SLC35B4: variants seen among roughly 807,000 people sequenced by gnomAD.
SLC35B4 encodes the protein nucleotide sugar transporter SLC35B4.
A neutral mutation model predicts 39.5 loss-of-function variants in SLC35B4; 28 were observed. That is an observed-to-expected ratio of 0.71 (90% confidence interval 0.53 to 0.97). The LOEUF is 0.97. SLC35B4 is among the 50% of genes least tolerant of loss of function. The probability of loss-of-function intolerance (pLI) is 0.00; values close to 1 mark genes in which losing one functional copy is unlikely to be tolerated. For synonymous variants in SLC35B4, 145 were observed against 150.4 expected (o/e 0.96, Z 0.26); for missense variants, 334 against 414.3 (o/e 0.81, Z 1.68).
At chr7:134,298,258 G>C (rs911398404) in intron 8 of SLC35B4, among the ~76,000 whole-genome samples, 14 of 152,278 alleles carry the variant, frequency 9.2e-5, no homozygotes, top group Admixed American at 7.2e-4. Flanking sequence ...TGAAAAGGAA[G>C]TTAACAAACG....
At chr7:134,312,815 C>G (rs137868557) in intron 1 of SLC35B4, among the ~76,000 whole-genome samples, 1 of 152,098 alleles carries the variant, frequency 6.6e-6, no homozygotes, top group African/African-American at 2.4e-5. Flanking sequence ...CAGCGGTCAA[C>G]GGCAAATAAA....
chr7:134,301,734 T>C (rs546421242), intron 6 of SLC35B4, 27 bp downstream of exon 6: 8 of 1,603,474 alleles, frequency 5.0e-6, no homozygotes, highest in African/African-American at 2.7e-5. Context: ...CAGAGGCAAT[T>C]AGCTTTATTA....
At chr7:134,318,059 C>T (rs984850212), upstream of SLC35B4, among the ~76,000 whole-genome samples, 2 of 148,750 alleles carry the variant, frequency 1.3e-5, no homozygotes, top group Admixed American at 6.7e-5. Flanking sequence ...GAGACACGAA[C>T]ATTCTGAAGT....
chr7:134,316,483 G>A (rs1803980781), intron 1 of SLC35B4, among the ~76,000 whole-genome samples, 192 bp downstream of exon 1: 1 of 152,246 alleles, frequency 6.6e-6, no homozygotes, highest in Admixed American at 6.5e-5. Context: ...CGCAGTTTTG[G>A]GAAGCAGCGG....
intron 2 of SLC35B4, 113 bp downstream of exon 2, chr7:134,309,253 G>T: frequency 1.7e-6 from 1 of 592,686 alleles, no homozygotes. Flanking sequence ...TATTCTACTG[G>T]TATCTTTGAA....
rs1803318883 is a variant in SLC35B4 at position 134,290,978 on chromosome 7, T to C, written c.*3855A>G. 6.6e-6 allele frequency: 1 copy of C among 152,212 alleles called. No homozygotes were observed. The highest frequency in any genetic ancestry group is 6.5e-5 in the Admixed American group (1 of 15,286). The allele number at this position is 152,212 out of a possible 1,614,324, so 9.4% of individuals were successfully genotyped here. Reference sequence around the variant, plus strand: ...TGTCCACCGGCCCTGAGCTAACTCATTGGTTTATTATTCCTGACCTAAGGT... The same window carrying C: ...TGTCCACCGGCCCTGAGCTAACTCACTGGTTTATTATTCCTGACCTAAGGT... On this transcript the variant is annotated 3_prime_UTR_variant, in exon 10 of 10. Coordinates refer to ENST00000378509, the MANE Select transcript of SLC35B4 (RefSeq NM_032826.5).
Position 134,294,540 on chromosome 7 carries a change from G to C in SLC35B4, c.*293C>G, listed in dbSNP as rs767763029. On this transcript the variant is annotated 3_prime_UTR_variant, in exon 10 of 10. Transcript: ENST00000378509. ...GTAAGCCTTTTGTTCAGGAGACTCAGAATTCAGAAAACAAGAATAATACTG... is the reference window on the plus strand; with the variant it reads ...GTAAGCCTTTTGTTCAGGAGACTCACAATTCAGAAAACAAGAATAATACTG... 4.6e-5 allele frequency: 13 copies of C among 281,376 alleles called. No individual in the cohort carries two copies. Among genetic ancestry groups the C allele is most frequent in the Non-Finnish European group, 8.2e-5 (12 of 145,568 alleles). 17.4% of individuals were successfully genotyped at this position (281,376 alleles called of 1,614,324 possible). A position where few individuals can be genotyped will look rare whatever the true frequency, so the allele number is the denominator to read the frequency against.
intron 4 of SLC35B4, among the ~76,000 whole-genome samples, 175 bp from the exon 5 acceptor site, chr7:134,302,285 C>G (rs759371014): frequency 1.3e-5 from 2 of 152,222 alleles, no homozygotes; most frequent in African/African-American, 2.4e-5. Context: ...AGGATACTGA[C>G]TAGTTTCTAA....
chr7:134,311,230 T>C (rs1301572610), intron 1 of SLC35B4, among the ~76,000 whole-genome samples: 1 of 152,324 alleles, frequency 6.6e-6, no homozygotes, highest in East Asian at 1.9e-4. Context: ...ATGTAAGACA[T>C]TTACCTCATT....
rs777660369 is a variant in SLC35B4 at position 134,306,734 on chromosome 7, C to T, written c.232G>A (p.Val78Met). 8.3e-5 allele frequency: 134 copies of T among 1,613,834 alleles called. 1 individual carries two copies. Among genetic ancestry groups the T allele is most frequent in the South Asian group, 4.4e-5 (4 of 91,060 alleles). ...AGATTCAGGGCATAGTTGTTCACCACGCTCACGGTGAAGAACATGGTCACC... is the reference window on the plus strand; with the variant it reads ...AGATTCAGGGCATAGTTGTTCACCATGCTCACGGTGAAGAACATGGTCACC... ...IMVTMFFTVS[V>M]VNNYALNLNI... is the part of the protein sequence containing the mutation. Residue 78 changes from valine to methionine, a missense_variant, in exon 3 of 10, where the codon GTG becomes ATG. Val to Met is a conservative substitution (Grantham distance 21). Coordinates refer to ENST00000378509, the MANE Select transcript of SLC35B4 (RefSeq NM_032826.5).
chr7:134,292,529 G>A lies in SLC35B4; in HGVS notation c.*2304C>T, dbSNP rs1803355284. ...CCTAATGGGCCCAAGTACTGTCTGT[G>A]AACATCAACACATACCCAATGAAGA... On this transcript the variant is annotated 3_prime_UTR_variant, in exon 10 of 10. Transcript: ENST00000378509. The A allele has an allele frequency of 6.6e-6, 1 of 152,088 alleles. No individual in the cohort carries two copies. Among genetic ancestry groups the A allele is most frequent in the East Asian group, 1.9e-4 (1 of 5,188 alleles). 9.4% of individuals were successfully genotyped at this position (152,088 alleles called of 1,614,324 possible). A position where few individuals can be genotyped will look rare whatever the true frequency, so the allele number is the denominator to read the frequency against.
intron 2 of SLC35B4, 59 bp downstream of exon 2, chr7:134,309,307 A>G: frequency 4.3e-6 from 4 of 927,756 alleles, no homozygotes; most frequent in Middle Eastern, 2.9e-4. Flanking sequence ...TTATACAGGT[A>G]CCACCTCTTT....
At chr7:134,304,661 T>C in intron 4 of SLC35B4, 144 bp downstream of exon 4, 2 of 619,000 alleles carry the variant, frequency 3.2e-6, no homozygotes, top group South Asian at 4.0e-5. Context: ...TGATTGGGCC[T>C]CACTGGTAAA....
Position 134,309,391 on chromosome 7 carries a change from T to A in SLC35B4, c.166A>T (p.Arg56Trp), listed in dbSNP as rs183333675. The A allele has an allele frequency of 6.2e-7, 1 of 1,610,240 alleles. No individual in the cohort carries two copies. The highest frequency in any genetic ancestry group is 1.7e-5 in the Admixed American group (1 of 59,784). Reference protein sequence around the residue: ...EGFLFEADLGRKPPAIPIRYY... With the variant: ...EGFLFEADLGWKPPAIPIRYY... Reference sequence around the variant, plus strand: ...CTTATTGGGATAGCTGGTGGCTTCCTTCCCAAATCAGCTTCAAAGAGGAAG... The same window carrying A: ...CTTATTGGGATAGCTGGTGGCTTCCATCCCAAATCAGCTTCAAAGAGGAAG... Residue 56 changes from arginine (R) to tryptophan (W), a missense_variant, in exon 2 of 10, where the codon AGG becomes TGG. Coordinates refer to ENST00000378509, the MANE Select transcript of SLC35B4 (RefSeq NM_032826.5).
chr7:134,295,190 A>T, intron 9 of SLC35B4, 111 bp from the exon 10 acceptor site: 1 of 1,407,290 alleles, frequency 7.1e-7, no homozygotes, highest in Non-Finnish European at 9.6e-7. Flanking sequence ...GAAAACATGA[A>T]GGTCCGCTAC....
At chr7:134,304,186 T>C (rs1803655296) in intron 4 of SLC35B4, among the ~76,000 whole-genome samples, 1 of 152,050 alleles carries the variant, frequency 6.6e-6, no homozygotes, top group African/African-American at 2.4e-5. Flanking sequence ...ACTAGGAGTT[T>C]GAGACCAGCG....
chr7:134,301,982 G>T, intron 5 of SLC35B4, 47 bp downstream of exon 5: 1 of 1,575,244 alleles, frequency 6.3e-7, no homozygotes, highest in Non-Finnish European at 8.7e-7. Flanking sequence ...TGGTAACTGG[G>T]CCCCAATAGC....
At chr7:134,295,587 A>C (rs1223203637) in intron 9 of SLC35B4, among the ~76,000 whole-genome samples, 1 of 152,134 alleles carries the variant, frequency 6.6e-6, no homozygotes, top group African/African-American at 2.4e-5. Context: ...GATTACTTTG[A>C]AATTTCTTTT....
intron 1 of SLC35B4, among the ~76,000 whole-genome samples, chr7:134,311,314 C>T (rs1250948611): frequency 1.3e-5 from 2 of 152,152 alleles, no homozygotes; most frequent in African/African-American, 4.8e-5. Flanking sequence ...GTTCCTAGCA[C>T]GGTGCTTTGG....
Sources: allele counts gnomAD v4.1 joint callset (sites outside exome capture counted in the v4.1 genomes callset), GRCh38; gene constraint gnomAD v4.1.1; transcripts MANE v1.5; gene names NCBI Gene and HGNC (gene_info 2026-07-23, HGNC 2026-07-21).